Variants in SETBP1 observed in about 807,000 individuals in gnomAD.
SETBP1 encodes the protein SET binding protein 1, also known as SET-binding protein.
In SETBP1, 9 loss-of-function variants were observed where a neutral mutation model predicts 101.0. The observed-to-expected ratio is 0.09, with a 90% CI of 0.05 to 0.16. The LOEUF is 0.16. Among genes scored for constraint, SETBP1 ranks in the 10% least tolerant of loss-of-function variants. The pLI, the probability that SETBP1 is intolerant of heterozygous loss-of-function variation, is 1.00. For missense variants in SETBP1, 1,858 were observed against 2,033.8 expected, an observed-to-expected ratio of 0.91 and a Z score of 1.66; for synonymous variants, 818 against 788.5, an observed-to-expected ratio of 1.04 and a Z score of -0.63.
intron 3 of SETBP1, among the ~76,000 whole-genome samples, chr18:44,922,349 G>A (rs1305449929): frequency 6.6e-6 from 1 of 152,212 alleles, no homozygotes; most frequent in South Asian, 2.1e-4. Flanking sequence ...GCTAGAGCCA[G>A]AACAAGAACT....
At chr18:44,967,095 A>G (rs1599387089) in intron 4 of SETBP1, among the ~76,000 whole-genome samples, 1 of 152,222 alleles carries the variant, frequency 6.6e-6, no homozygotes, top group Admixed American at 6.5e-5. Flanking sequence ...TCTTACTGGG[A>G]TGAAGTTAAA....
Position 44,929,254 on chromosome 18 carries a change from G to C in SETBP1, c.541-20627G>C, listed in dbSNP as rs551465118. ...AAGATCAGATGGTTGTAGATGTGTG[G>C]TATTATTTCCGAGGGCTCTACTCTG... On this transcript the variant is annotated intron_variant, in intron 3 of 5. Transcript: ENST00000649279. Among the ~76,000 whole-genome samples the C allele has an allele frequency of 3.9e-5, 6 of 152,208 alleles. No individual in the cohort carries two copies. In the South Asian group the frequency reaches 1.2e-3, roughly 32 times the overall value.
chr18:44,856,196 A>G (rs113118331), intron 2 of SETBP1, among the ~76,000 whole-genome samples: 5 of 152,268 alleles, frequency 3.3e-5, no homozygotes, highest in African/African-American at 4.8e-5. Context: ...TTTCAAATGC[A>G]TAAAGGTAGA....
At chr18:44,859,478 T>C (rs1011419145) in intron 2 of SETBP1, among the ~76,000 whole-genome samples, 2 of 152,210 alleles carry the variant, frequency 1.3e-5, no homozygotes, top group African/African-American at 2.4e-5. Flanking sequence ...AACTGGACTT[T>C]CCATGATTCA....
intron 2 of SETBP1, among the ~76,000 whole-genome samples, chr18:44,848,093 G>A (rs1003357548): frequency 1.4e-4 from 22 of 152,028 alleles, no homozygotes; most frequent in African/African-American, 5.3e-4. Context: ...GTGTGTGTGT[G>A]TGTGTGTGTG....
chr18:44,751,949 C>G (rs2070388868), intron 2 of SETBP1, among the ~76,000 whole-genome samples: 1 of 152,166 alleles, frequency 6.6e-6, no homozygotes, highest in South Asian at 2.1e-4. Flanking sequence ...ACTTTCTCTT[C>G]CTCGTCTTAT....
intron 2 of SETBP1, among the ~76,000 whole-genome samples, chr18:44,715,544 C>T (rs2069443810): frequency 6.6e-6 from 1 of 152,006 alleles, no homozygotes; most frequent in African/African-American, 2.4e-5. Flanking sequence ...GTCCAAGTCC[C>T]TGTTCTGCCT....
At chr18:44,861,352 C>G (rs771244787) in intron 2 of SETBP1, among the ~76,000 whole-genome samples, 1 of 149,738 alleles carries the variant, frequency 6.7e-6, no homozygotes, top group Non-Finnish European at 1.5e-5. Flanking sequence ...CGTTCTCCTG[C>G]CTCAGCCTCC....
At chr18:44,859,906 T>C (rs551226822) in intron 2 of SETBP1, among the ~76,000 whole-genome samples, 17 of 152,336 alleles carry the variant, frequency 1.1e-4, no homozygotes, top group African/African-American at 4.1e-4. Flanking sequence ...CATGATTAAT[T>C]GCTCCAGATT....
rs1599034764 is a variant in SETBP1 at position 44,723,158 on chromosome 18, A to G, written c.486+21326A>G. 3.3e-5 allele frequency among the ~76,000 whole-genome samples: 5 copies of G among 152,156 alleles called. No homozygotes were observed. In the South Asian group the frequency reaches 1.0e-3, roughly 32 times the overall value. ...TGGGTTAATTGGACAAAATTTCCCT[A>G]CCCCTTAATTTCTCCTTTGTGAAGT... On this transcript the variant is annotated intron_variant, in intron 2 of 5. Transcript: ENST00000649279.
intron 2 of SETBP1, among the ~76,000 whole-genome samples, chr18:44,844,351 G>A (rs553396162): frequency 0.017 from 1,842 of 106,140 alleles, 21 homozygotes; most frequent in South Asian, 0.047. Flanking sequence ...GCACACACGC[G>A]CGCACACACA....
At chr18:44,709,993 G>A (rs1390258658) in intron 2 of SETBP1, among the ~76,000 whole-genome samples, 1 of 151,998 alleles carries the variant, frequency 6.6e-6, no homozygotes, top group Non-Finnish European at 1.5e-5. Flanking sequence ...ATCAAGTGGG[G>A]TTCAGCTGGC....
intron 2 of SETBP1, among the ~76,000 whole-genome samples, chr18:44,861,708 C>G (rs1001776648): frequency 6.6e-6 from 1 of 152,158 alleles, no homozygotes; most frequent in Non-Finnish European, 1.5e-5. Flanking sequence ...GTCTCTTGAG[C>G]CACTTTTGAC....
intron 2 of SETBP1, among the ~76,000 whole-genome samples, chr18:44,787,860 C>CAAAAAAAAAAAAAAAAAAAA (rs11399627): frequency 1.6e-3 from 15 of 9,208 alleles, no homozygotes; most frequent in South Asian, 8.3e-3. Context: ...GAGTCCGTCT[C>CAAAAAAAAAAAAAAAAAAAA]AAAAAAAAAA....
chr18:44,921,566 A>T lies in SETBP1; in HGVS notation c.541-28315A>T, dbSNP rs1163225168. ...AAAAGAACAAAAATACTTTGCTTTC[A>T]GTAGTGCTTTATACCTTTGGAAATG... On this transcript the variant is annotated intron_variant, in intron 3 of 5. Coordinates refer to ENST00000649279, the MANE Select transcript of SETBP1 (RefSeq NM_015559.3). 2.0e-5 allele frequency among the ~76,000 whole-genome samples: 3 copies of T among 152,248 alleles called. No individual in the cohort carries two copies. In the East Asian group the frequency reaches 5.8e-4, roughly 29 times the overall value.
chr18:44,938,024 G>C (rs2071002169), intron 3 of SETBP1, among the ~76,000 whole-genome samples: 1 of 152,202 alleles, frequency 6.6e-6, no homozygotes, highest in Non-Finnish European at 1.5e-5. Flanking sequence ...GCAAAGTCCT[G>C]ATCTGTGCTG....
At chr18:44,809,751 G>A (rs550737338) in intron 2 of SETBP1, among the ~76,000 whole-genome samples, 35 of 152,312 alleles carry the variant, frequency 2.3e-4, no homozygotes, top group African/African-American at 8.4e-4. Context: ...CCAAGTGTTA[G>A]GAAGCCTGAT....
At chr18:44,971,467 G>A (rs1464593553) in intron 4 of SETBP1, among the ~76,000 whole-genome samples, 1 of 152,156 alleles carries the variant, frequency 6.6e-6, no homozygotes. Flanking sequence ...TTCCACAATG[G>A]TTGAACTAGT....
intron 2 of SETBP1, among the ~76,000 whole-genome samples, chr18:44,769,277 T>C (rs2070825598): frequency 6.6e-6 from 1 of 152,248 alleles, no homozygotes; most frequent in Non-Finnish European, 1.5e-5. Context: ...CCATGGTAGC[T>C]CAACCTCGGG....
Sources: allele counts gnomAD v4.1 joint callset (sites outside exome capture counted in the v4.1 genomes callset), GRCh38; gene constraint gnomAD v4.1.1; transcripts MANE v1.5; gene names NCBI Gene and HGNC (gene_info 2026-07-23, HGNC 2026-07-21).